LRMDA: variants seen among roughly 807,000 people sequenced by gnomAD.
LRMDA encodes the protein leucine rich melanocyte differentiation associated.
In LRMDA, 18 loss-of-function variants were observed where a neutral mutation model predicts 29.8. The ratio of observed to expected loss-of-function variants is 0.60; its 90% CI spans 0.42 to 0.90. The LOEUF is 0.90. Ranked by LOEUF, LRMDA falls within the 40% of genes least tolerant of loss-of-function variation. LRMDA has a pLI of 0.00. For synonymous variants in LRMDA, 125 were observed against 109.4 expected, an observed-to-expected ratio of 1.14 and a Z score of -0.89; for missense variants, 273 against 273.9, an observed-to-expected ratio of 1.00 and a Z score of 0.02.
intron 6 of LRMDA, among the ~76,000 whole-genome samples, chr10:76,420,267 C>T (rs919414838): frequency 1.3e-5 from 2 of 151,516 alleles, no homozygotes; most frequent in Non-Finnish European, 1.5e-5. Flanking sequence ...CTTTATTATA[C>T]CTGTTTTGTT....
At chr10:75,984,056 G>A (rs1847220493) in intron 2 of LRMDA, among the ~76,000 whole-genome samples, 1 of 152,186 alleles carries the variant, frequency 6.6e-6, no homozygotes, top group Non-Finnish European at 1.5e-5. Flanking sequence ...GGAGTGAACA[G>A]GGAAGGAACT....
At chr10:75,644,895 A>C (rs907845318) in intron 2 of LRMDA, among the ~76,000 whole-genome samples, 1 of 152,112 alleles carries the variant, frequency 6.6e-6, no homozygotes, top group African/African-American at 2.4e-5. Flanking sequence ...GAATAAACAC[A>C]AAGTCTCTAC....
intron 5 of LRMDA, among the ~76,000 whole-genome samples, chr10:76,145,906 G>A (rs1850307756): frequency 6.6e-6 from 1 of 150,672 alleles, no homozygotes; most frequent in Non-Finnish European, 1.5e-5. Flanking sequence ...GTTCTCATTG[G>A]TTTCAAAGAA....
chr10:76,136,836 G>T (rs1274407484), intron 5 of LRMDA, among the ~76,000 whole-genome samples: 1 of 152,048 alleles, frequency 6.6e-6, no homozygotes, highest in Non-Finnish European at 1.5e-5. Flanking sequence ...GGCTGAGGAG[G>T]ACCAAGCGTA....
At chr10:76,116,108 G>A (rs764828028) in intron 5 of LRMDA, among the ~76,000 whole-genome samples, 4 of 152,224 alleles carry the variant, frequency 2.6e-5, no homozygotes, top group African/African-American at 7.2e-5. Context: ...TGGGATGCCC[G>A]CACCTGTGCC....
intron 2 of LRMDA, among the ~76,000 whole-genome samples, chr10:75,538,514 A>T (rs1277117032): frequency 6.6e-6 from 1 of 152,194 alleles, no homozygotes; most frequent in Non-Finnish European, 1.5e-5. Flanking sequence ...GACTGTTCAA[A>T]TCATAGGGAA....
At chr10:75,823,788 T>C (rs1193892914) in intron 2 of LRMDA, among the ~76,000 whole-genome samples, 1 of 151,192 alleles carries the variant, frequency 6.6e-6, no homozygotes, top group Non-Finnish European at 1.5e-5. Flanking sequence ...ACACACACCA[T>C]GGAATGCTAC....
At chr10:76,074,097 T>C (rs984998359) in intron 5 of LRMDA, among the ~76,000 whole-genome samples, 1 of 152,242 alleles carries the variant, frequency 6.6e-6, no homozygotes, top group Non-Finnish European at 1.5e-5. Context: ...ACAAGCTGGC[T>C]GATCTTGCTT....
At chr10:75,827,438 A>G (rs555800455) in intron 2 of LRMDA, among the ~76,000 whole-genome samples, 1 of 152,076 alleles carries the variant, frequency 6.6e-6, no homozygotes, top group East Asian at 1.9e-4. Flanking sequence ...CTCTGTTTGT[A>G]TTTTCTTCTT....
chr10:75,468,155 G>T (rs1281129108), intron 2 of LRMDA, among the ~76,000 whole-genome samples: 1 of 152,204 alleles, frequency 6.6e-6, no homozygotes, highest in Non-Finnish European at 1.5e-5. Context: ...AAAAGTATTT[G>T]ATTTTAGGGG....
At chr10:75,821,424 T>C (rs1052035866) in intron 2 of LRMDA, among the ~76,000 whole-genome samples, 10 of 152,216 alleles carry the variant, frequency 6.6e-5, no homozygotes, top group Non-Finnish European at 1.3e-4. Context: ...CATATGATCA[T>C]ATCAATAGAT....
intron 2 of LRMDA, among the ~76,000 whole-genome samples, chr10:76,007,027 T>TGC (rs1361976113): frequency 3.2e-4 from 9 of 27,822 alleles, no homozygotes; most frequent in African/African-American, 6.7e-4. Context: ...TGTGTGTGTG[T>TGC]GTGTGCGCGT....
chr10:75,454,767 A>C (rs1353487726), intron 2 of LRMDA, among the ~76,000 whole-genome samples: 1 of 152,162 alleles, frequency 6.6e-6, no homozygotes, highest in Non-Finnish European at 1.5e-5. Flanking sequence ...GGATATAGCA[A>C]ATCAGTACTC....
intron 2 of LRMDA, among the ~76,000 whole-genome samples, chr10:75,844,787 G>A (rs1210055305): frequency 6.6e-6 from 1 of 152,110 alleles, no homozygotes; most frequent in East Asian, 1.9e-4. Flanking sequence ...ATTTGAAAAC[G>A]GCATTTTTCA....
chr10:75,905,261 A>G (rs1845740142), intron 2 of LRMDA, among the ~76,000 whole-genome samples: 1 of 145,220 alleles, frequency 6.9e-6, no homozygotes, highest in African/African-American at 2.6e-5. Flanking sequence ...TTTTTAAATC[A>G]TAGACCCTCT....
At chr10:76,313,675 GA>G (rs1330363030) in intron 5 of LRMDA, among the ~76,000 whole-genome samples, 2 of 152,010 alleles carry the variant, frequency 1.3e-5, no homozygotes, top group East Asian at 3.9e-4. Flanking sequence ...AAGTCTCTGG[GA>G]AAAAAAGTGT....
intron 6 of LRMDA, among the ~76,000 whole-genome samples, chr10:76,335,455 C>G (rs1489004860): frequency 1.3e-5 from 2 of 152,174 alleles, no homozygotes; most frequent in Non-Finnish European, 2.9e-5. Context: ...CCATAGGTAT[C>G]TGAGACATGT....
At chr10:75,878,487 C>T (rs961192867) in intron 2 of LRMDA, among the ~76,000 whole-genome samples, 3 of 151,818 alleles carry the variant, frequency 2.0e-5, no homozygotes, top group African/African-American at 7.3e-5. Flanking sequence ...CATCCCGCCT[C>T]AAAGGCCTTG....
chr10:76,191,846 G>A (rs1010661291), intron 5 of LRMDA, among the ~76,000 whole-genome samples: 1 of 152,170 alleles, frequency 6.6e-6, no homozygotes, highest in Non-Finnish European at 1.5e-5. Flanking sequence ...ACGATCGTTA[G>A]AAAAAGCCTT....
Sources: gnomAD v4.1 joint callset for allele counts (sites outside exome capture counted in the v4.1 genomes callset) on GRCh38, gnomAD v4.1.1 for gene constraint, MANE v1.5 for transcripts, NCBI Gene and HGNC (gene_info 2026-07-23, HGNC 2026-07-21) for gene names.